The following PCYT1B variants were observed in gnomAD, a reference collection of about 807,000 sequenced individuals.
PCYT1B encodes phosphate cytidylyltransferase 1B, choline.
In PCYT1B, 10 loss-of-function variants were observed where a neutral mutation model predicts 26.4. That is an observed-to-expected ratio of 0.38 (90% CI 0.23 to 0.64). The LOEUF (loss-of-function observed/expected upper bound fraction) is 0.64. Among genes scored for constraint, PCYT1B ranks in the 30% least tolerant of loss-of-function variants. The pLI is 0.56. For missense variants in PCYT1B, 161 were observed against 292.7 expected (o/e 0.55, Z 3.28); for synonymous variants, 131 against 108.4 (o/e 1.21, Z -1.29).
chrX:24,671,850 C>T (rs1389403820), intron 1 of PCYT1B, among the ~76,000 whole-genome samples: 2 of 112,066 alleles, frequency 1.8e-5, no homozygotes, highest in African/African-American at 3.2e-5. Flanking sequence ...ATACATTCTC[C>T]GGGCACCCTC....
chrX:24,574,543 G>T (rs778229090), intron 7 of PCYT1B, among the ~76,000 whole-genome samples: 1 of 111,477 alleles, frequency 9.0e-6, no homozygotes, highest in Non-Finnish European at 1.9e-5. Flanking sequence ...CAACACTTGC[G>T]TGTCATGAAA....
intron 1 of PCYT1B, among the ~76,000 whole-genome samples, chrX:24,627,549 G>C (rs1476368082): frequency 9.0e-6 from 1 of 111,657 alleles, no homozygotes; most frequent in Admixed American, 9.5e-5. Flanking sequence ...GGTCTCGAAC[G>C]CCTGACCTCA....
rs1164005800 is a variant in PCYT1B, at chrX:24,566,834, A to G, written c.898-4329T>C. Among the ~76,000 whole-genome samples, 7 of 111,644 alleles carry G rather than the reference A, an allele frequency of 6.3e-5. No individual in the cohort carries two copies. In the East Asian group the frequency reaches 2.0e-3, roughly 31 times the overall value. On this transcript the variant is annotated intron_variant, in intron 7 of 7. Coordinates refer to ENST00000379144, the MANE Select transcript of PCYT1B (RefSeq NM_004845.5). ...AATAACAGATGATGGCTGATTGCTC[A>G]GGTCTTTTCCAGATTTAAAATTCCA...
chrX:24,592,596 A>G (rs908273130), intron 3 of PCYT1B, among the ~76,000 whole-genome samples: 18 of 110,899 alleles, frequency 1.6e-4, no homozygotes, highest in East Asian at 8.5e-4. Context: ...CCCACTCCCA[A>G]CAACCTATTC....
At chrX:24,612,616 A>T (rs1370027727) in intron 2 of PCYT1B, among the ~76,000 whole-genome samples, 2 of 112,450 alleles carry the variant, frequency 1.8e-5, no homozygotes, top group Non-Finnish European at 3.8e-5. Flanking sequence ...AGAATGGCTA[A>T]AAAATGTTTT....
At chrX:24,627,535 T>C (rs1925921496) in intron 1 of PCYT1B, among the ~76,000 whole-genome samples, 1 of 111,850 alleles carries the variant, frequency 8.9e-6, no homozygotes, top group Admixed American at 9.5e-5. Context: ...GGTTTCGCCA[T>C]GCTGGTCTCG....
intron 1 of PCYT1B, among the ~76,000 whole-genome samples, chrX:24,656,221 G>T (rs1403623758): frequency 1.4e-5 from 1 of 69,622 alleles, no homozygotes; most frequent in Non-Finnish European, 2.8e-5. Context: ...TATTATTGCA[G>T]GGGGTCGCGG....
intron 2 of PCYT1B, among the ~76,000 whole-genome samples, chrX:24,609,703 T>C (rs948175125): frequency 2.7e-5 from 3 of 112,153 alleles, no homozygotes; most frequent in African/African-American, 9.7e-5. Flanking sequence ...AAGTTGACTG[T>C]CAAGTGTTGA....
intron 1 of PCYT1B, among the ~76,000 whole-genome samples, chrX:24,626,082 C>A (rs778902825): frequency 9.1e-6 from 1 of 109,767 alleles, no homozygotes; most frequent in East Asian, 2.9e-4. Flanking sequence ...CCACTGCACT[C>A]CAGCCTGGGT....
At chrX:24,670,676 CA>C (rs1178209531) in intron 1 of PCYT1B, among the ~76,000 whole-genome samples, 1 of 111,856 alleles carries the variant, frequency 8.9e-6, no homozygotes, top group Non-Finnish European at 1.9e-5. Context: ...AATCAAGGCA[CA>C]AATTAGCAGC....
At chrX:24,588,001 C>T (rs770427103) in intron 4 of PCYT1B, among the ~76,000 whole-genome samples, 18 of 112,619 alleles carry the variant, frequency 1.6e-4, no homozygotes, top group Admixed American at 1.5e-3. Context: ...ATCATCTTGT[C>T]CTGTCCTGTC....
Position 24,559,927 on chromosome X carries a change from G to C in PCYT1B, c.*2366C>G, listed in dbSNP as rs1923345724. The C allele has an allele frequency of 8.9e-6, 1 of 111,752 alleles. No individual in the cohort carries two copies. Among genetic ancestry groups the C allele is most frequent in the African/African-American group, 3.3e-5 (1 of 30,745 alleles). The allele number at this position is 111,752 out of a possible 1,213,427, so 9.2% of individuals were successfully genotyped here. ...GGGGGGACTCACTGCAGGTTAGGAG[G>C]GTGAGATTTAGAACCCATTTATGTG... is the stretch of plus-strand genomic sequence containing the variant. On this transcript the variant is annotated 3_prime_UTR_variant, in exon 8 of 8. Coordinates refer to ENST00000379144, the MANE Select transcript of PCYT1B (RefSeq NM_004845.5).
intron 1 of PCYT1B, among the ~76,000 whole-genome samples, chrX:24,644,449 TACACACACACACACACACACAC>T (rs201474505): frequency 1.0e-5 from 1 of 95,344 alleles, no homozygotes; most frequent in Admixed American, 1.2e-4. Flanking sequence ...ATGTGCATGA[TACACACACACACACACACACAC>T]ACACACACAC....
At chrX:24,620,600 T>G (rs1925671827) in intron 1 of PCYT1B, among the ~76,000 whole-genome samples, 1 of 112,286 alleles carries the variant, frequency 8.9e-6, no homozygotes, top group South Asian at 3.7e-4. Context: ...AAAAACTCTG[T>G]ATCCACAAAC....
At chrX:24,653,240 T>C (rs1203149781) in intron 1 of PCYT1B, among the ~76,000 whole-genome samples, 3 of 111,580 alleles carry the variant, frequency 2.7e-5, no homozygotes, top group Non-Finnish European at 5.6e-5. Context: ...GGAGATGCTG[T>C]CTGAACCCTG....
At chrX:24,580,128 G>A (rs1231587508) in intron 5 of PCYT1B, among the ~76,000 whole-genome samples, 1 of 112,351 alleles carries the variant, frequency 8.9e-6, no homozygotes, top group East Asian at 2.8e-4. Flanking sequence ...AGCAGTGACT[G>A]CGCCACTGCA....
intron 1 of PCYT1B, among the ~76,000 whole-genome samples, chrX:24,619,369 C>T (rs961755498): frequency 4.5e-5 from 5 of 111,558 alleles, no homozygotes; most frequent in African/African-American, 9.8e-5. Context: ...TTTTAGGCTT[C>T]GCAGCACCCC....
chrX:24,663,545 C>T (rs1430568820), intron 1 of PCYT1B, among the ~76,000 whole-genome samples: 1 of 112,271 alleles, frequency 8.9e-6, no homozygotes, highest in Non-Finnish European at 1.9e-5. Flanking sequence ...TTGATCTAGT[C>T]GATTTCTTTC....
chrX:24,606,067 A>AG (rs1293739936), intron 3 of PCYT1B, among the ~76,000 whole-genome samples: 7 of 108,905 alleles, frequency 6.4e-5, no homozygotes, highest in Non-Finnish European at 1.3e-4. Context: ...AAAAAAAAAA[A>AG]AAAAAAGAAA....
Sources: gnomAD v4.1 joint callset for allele counts (sites outside exome capture counted in the v4.1 genomes callset) on GRCh38, gnomAD v4.1.1 for gene constraint, MANE v1.5 for transcripts, NCBI Gene and HGNC (gene_info 2026-07-23, HGNC 2026-07-21) for gene names.